PTPN2: variants seen among roughly 807,000 people sequenced by gnomAD.
PTPN2 encodes the protein protein tyrosine phosphatase non-receptor type 2, also known as tyrosine-protein phosphatase non-receptor type 2.
In PTPN2, 19 loss-of-function variants were observed where a neutral mutation model predicts 57.3. The ratio of observed to expected loss-of-function variants is 0.33; its 90% CI spans 0.23 to 0.49. PTPN2 has a LOEUF of 0.49. Ranked by LOEUF, PTPN2 falls within the 20% of genes least tolerant of loss-of-function variation. PTPN2 has a pLI of 0.99. For synonymous variants in PTPN2, 153 were observed against 164.9 expected (o/e 0.93, Z 0.55); for missense variants, 358 against 501.1 (o/e 0.71, Z 2.73).
chr18:12,817,099 A>T (rs1598776210), intron 6 of PTPN2, 57 bp downstream of exon 6: 1 of 1,499,042 alleles, frequency 6.7e-7, no homozygotes, highest in East Asian at 2.3e-5. Context: ...CTGCCAGTGG[A>T]AGCAATTTAA....
chr18:12,872,502 G>A lies in PTPN2; in HGVS notation c.69+11571C>T, dbSNP rs953857789. 7.9e-5 allele frequency among the ~76,000 whole-genome samples: 12 copies of A among 152,212 alleles called. No individual in the cohort carries two copies. In the East Asian group the frequency reaches 1.2e-3, roughly 15 times the overall value. On this transcript the variant is annotated intron_variant, in intron 1 of 8. Transcript: ENST00000309660. Reference sequence around the variant, plus strand: ...TGCATTCCCTTCCTCCATTCCTCTCGTTTGAAAAGTATCCAACCTTGAGCC... The same window carrying A: ...TGCATTCCCTTCCTCCATTCCTCTCATTTGAAAAGTATCCAACCTTGAGCC...
Position 12,817,194 on chromosome 18 carries a change from A to G in PTPN2, c.667T>C (p.Ser223Pro). 6.2e-7 allele frequency: 1 copy of G among 1,614,182 alleles called. No homozygotes were observed. The highest frequency in any genetic ancestry group is 8.5e-7 in the Non-Finnish European group (1 of 1,180,008). ...GTGTCTACCAGAGAGAAGGTGCCAG[A>G]GCGCCCAATGCCTGCACTACAGTGG... ...VIHCSAGIGR[S>P]GTFSLVDTCL... The change falls in exon 6 of 9, where the codon TCT becomes CCT. Residue 223 changes from serine to proline, a missense_variant. Physicochemically the swap from Ser to Pro is moderately conservative, Grantham distance 74. Coordinates refer to ENST00000309660, the MANE Select transcript of PTPN2 (RefSeq NM_002828.4).
rs200836791 is a variant in PTPN2, at chr18:12,836,780, G to A, written c.261+11C>T. 3.6e-5 allele frequency: 55 copies of A among 1,510,316 alleles called. No individual in the cohort carries two copies. The highest frequency in any genetic ancestry group is 3.0e-4 in the Admixed American group (18 of 59,166). 93.6% of individuals were successfully genotyped at this position (1,510,316 alleles called of 1,614,324 possible). ...CATTTTCAGACATTTGCGTGGTATCGTATTACTTGCCTGTGTTAAGATGTA... is the reference window on the plus strand; with the variant it reads ...CATTTTCAGACATTTGCGTGGTATCATATTACTTGCCTGTGTTAAGATGTA... On this transcript the variant is annotated intron_variant, in intron 3 of 8. Coordinates refer to ENST00000309660, the MANE Select transcript of PTPN2 (RefSeq NM_002828.4).
chr18:12,864,082 C>CA (rs1376542465), intron 1 of PTPN2: 1 of 151,836 alleles, frequency 6.6e-6, no homozygotes, highest in Non-Finnish European at 1.5e-5. Flanking sequence ...GCCCTCATAC[C>CA]AAATTGGCAG....
intron 4 of PTPN2, among the ~76,000 whole-genome samples, chr18:12,827,673 T>C (rs988544850): frequency 6.7e-6 from 1 of 150,066 alleles, no homozygotes; most frequent in African/African-American, 2.5e-5. Flanking sequence ...GTGTAAGCCC[T>C]CCAACCTGGC....
chr18:12,827,399 T>C, intron 4 of PTPN2, among the ~76,000 whole-genome samples: 1 of 151,380 alleles, frequency 6.6e-6, no homozygotes, highest in East Asian at 1.9e-4. Flanking sequence ...TAAATAATTT[T>C]TTTTTTTTTT....
downstream of PTPN2, chr18:12,792,045 G>T: frequency 1.0e-5 from 2 of 192,406 alleles, no homozygotes; most frequent in Non-Finnish European, 1.9e-5. Context: ...GGTCTTGGAT[G>T]CCTCAACACA....
chr18:12,818,767 T>G lies in PTPN2; in HGVS notation c.496-1402A>C, dbSNP rs147782075. Among the ~76,000 whole-genome samples the G allele has an allele frequency of 4.5e-3, 686 of 152,114 alleles. 5 individuals carry two copies. Among genetic ancestry groups the G allele is most frequent in the African/African-American group, 0.016 (659 of 41,520 alleles). On this transcript the variant is annotated intron_variant, in intron 5 of 8. Coordinates refer to ENST00000309660, the MANE Select transcript of PTPN2 (RefSeq NM_002828.4). ...ATAATATCCTGCTCCCAATAAAAAT[T>G]TTCAAAATTAGAAGTTAGCTTTCGC...
intron 2 of PTPN2, among the ~76,000 whole-genome samples, chr18:12,853,529 G>A (rs949542062): frequency 6.6e-6 from 1 of 152,178 alleles, no homozygotes; most frequent in African/African-American, 2.4e-5. Flanking sequence ...ACATTCCTGA[G>A]CCCCTCTGGA....
At chr18:12,860,214 G>A (rs1490609423) in intron 1 of PTPN2, among the ~76,000 whole-genome samples, 4 of 151,380 alleles carry the variant, frequency 2.6e-5, no homozygotes, top group East Asian at 2.0e-4. Context: ...GCTTGAACCC[G>A]GGAGGTGGAG....
chr18:12,870,330 TGTATATATATAC>T (rs2044167366), intron 1 of PTPN2, among the ~76,000 whole-genome samples: 1 of 42,288 alleles, frequency 2.4e-5, no homozygotes, highest in Admixed American at 2.2e-4. Flanking sequence ...TGTATATATA[TGTATATATATAC>T]ATATATATGT....
chr18:12,828,623 C>T (rs1335590456), intron 4 of PTPN2, among the ~76,000 whole-genome samples: 2 of 152,098 alleles, frequency 1.3e-5, no homozygotes, highest in Admixed American at 6.5e-5. Context: ...AGGGGCTAAG[C>T]AACACTTATA....
At chr18:12,846,898 C>G (rs957044858) in intron 2 of PTPN2, among the ~76,000 whole-genome samples, 5 of 152,170 alleles carry the variant, frequency 3.3e-5, no homozygotes, top group African/African-American at 4.8e-5. Flanking sequence ...GACATTACCA[C>G]CTTTACTCAC....
At chr18:12,883,174 G>A (rs1019801107) in intron 1 of PTPN2, among the ~76,000 whole-genome samples, 1 of 152,194 alleles carries the variant, frequency 6.6e-6, no homozygotes, top group African/African-American at 2.4e-5. Context: ...TTGATTTGAG[G>A]GGGCTTGCAA....
chr18:12,829,777 T>C (rs2042605094), intron 4 of PTPN2, among the ~76,000 whole-genome samples: 1 of 152,118 alleles, frequency 6.6e-6, no homozygotes, highest in Non-Finnish European at 1.5e-5. Flanking sequence ...AATTGGATTA[T>C]CATCATTTGT....
intron 6 of PTPN2, 28 bp from the exon 7 acceptor site, chr18:12,814,383 G>A: frequency 3.9e-6 from 6 of 1,557,258 alleles, no homozygotes; most frequent in Non-Finnish European, 5.2e-6. Context: ...AATGAGACAA[G>A]TCTTGTTATT....
In PTPN2 at chr18:12,829,926, A is replaced by T. The variant is rs530383900; in HGVS notation, c.360+1017T>A. On this transcript the variant is annotated intron_variant, in intron 4 of 8. Transcript: ENST00000309660. ...CTCTGAAGTAATCTTCCCCAAAATA[A>T]TTAAACCTGACTCTTGTTAACCATC... Among the ~76,000 whole-genome samples the T allele has an allele frequency of 2.6e-5, 4 of 152,332 alleles. No homozygotes were observed. In the South Asian group the frequency reaches 8.3e-4, roughly 32 times the overall value.
chr18:12,857,233 C>CA (rs1289402949), intron 2 of PTPN2, among the ~76,000 whole-genome samples: 1 of 152,120 alleles, frequency 6.6e-6, no homozygotes, highest in Non-Finnish European at 1.5e-5. Context: ...CCCAGAAAGG[C>CA]AGTGCAAGTG....
rs7241831 is a variant in PTPN2, at chr18:12,801,329, A to G, written c.1040+641T>C. 1.9e-3 allele frequency among the ~76,000 whole-genome samples: 293 copies of G among 152,200 alleles called. 2 individuals carry two copies. The highest frequency in any genetic ancestry group is 6.4e-3 in the African/African-American group (267 of 41,514). ...GGAGTTCAAGACCAGCCTTGTTAAC[A>G]TGGTGAAACCCTCTCTCTACTAAAA... On this transcript the variant is annotated intron_variant, in intron 8 of 8. Coordinates refer to ENST00000309660, the MANE Select transcript of PTPN2 (RefSeq NM_002828.4).
Sources: allele counts gnomAD v4.1 joint callset (sites outside exome capture counted in the v4.1 genomes callset), GRCh38; gene constraint gnomAD v4.1.1; transcripts MANE v1.5; gene names NCBI Gene and HGNC (gene_info 2026-07-23, HGNC 2026-07-21).